Variants in ADAMTS4 observed in about 807,000 individuals in gnomAD.
The protein encoded by ADAMTS4 is ADAM metallopeptidase with thrombospondin type 1 motif 4, also known as A disintegrin and metalloproteinase with thrombospondin motifs 4.
A neutral mutation model predicts 66.7 loss-of-function variants in ADAMTS4; 38 were observed. The observed-to-expected ratio is 0.57, with a 90% CI of 0.44 to 0.75. The LOEUF (loss-of-function observed/expected upper bound fraction) is 0.75, where lower values mean the gene tolerates loss of function less well. Among genes scored for constraint, ADAMTS4 ranks in the 30% least tolerant of loss-of-function variants. The pLI is 0.00. For synonymous variants in ADAMTS4, 418 were observed against 461.5 expected (o/e 0.91, Z 1.21); for missense variants, 1,014 against 1,116.7 (o/e 0.91, Z 1.31).
intron 4 of ADAMTS4, among the ~76,000 whole-genome samples, chr1:161,195,022 A>G (rs1411191107): frequency 2.0e-5 from 3 of 151,958 alleles, no homozygotes; most frequent in Non-Finnish European, 4.4e-5. Context: ...ATCTGTATTT[A>G]AAACAAAACA....
In ADAMTS4 at chr1:161,191,265, A is replaced by G; in HGVS notation, c.2387T>C (p.Leu796Pro). ...LVAGNPQDTR[L>P]RYSFFVPRPT... Reference sequence around the variant, plus strand: ...CCGGGGCACGAAGAAGCTGTATCGGAGGCGTGTGTCCTGGGGGTTGCCAGC... The same window carrying G: ...CCGGGGCACGAAGAAGCTGTATCGGGGGCGTGTGTCCTGGGGGTTGCCAGC... The change falls in exon 9 of 9, where the codon CTC becomes CCC. Residue 796 changes from leucine to proline, a missense_variant. Leu to Pro is a moderately conservative substitution (Grantham distance 98, BLOSUM62 -3). Transcript: ENST00000367996. 1 of 1,613,838 alleles carries G rather than the reference A, an allele frequency of 6.2e-7. No homozygotes were observed. Among genetic ancestry groups the G allele is most frequent in the Non-Finnish European group, 8.5e-7 (1 of 1,180,000 alleles).
chr1:161,191,945 TC>T, intron 8 of ADAMTS4, 119 bp downstream of exon 8: 1 of 1,223,986 alleles, frequency 8.2e-7, no homozygotes. Context: ...AGCTGCCTAC[TC>T]GTCTATCTCC....
intron 4 of ADAMTS4, 104 bp downstream of exon 4, chr1:161,195,361 T>C: frequency 3.2e-6 from 4 of 1,242,588 alleles, no homozygotes; most frequent in Non-Finnish European, 4.4e-6. Flanking sequence ...GGAAGCACAC[T>C]TGGGGGAGGC....
chr1:161,198,380 C>A lies in ADAMTS4; in HGVS notation c.248G>T (p.Cys83Phe). Reference protein sequence around the residue: ...PGSGAPARLLCRLQAFGETLL... With the variant: ...PGSGAPARLLFRLQAFGETLL... Reference sequence around the variant, plus strand: ...CGTCTCCCCAAAGGCCTGCAAGCGGCACAACAGCCTGGCAGGGGCGCCCGA... The same window carrying A: ...CGTCTCCCCAAAGGCCTGCAAGCGGAACAACAGCCTGGCAGGGGCGCCCGA... The change falls in exon 1 of 9, where the codon TGC (cysteine) becomes TTC (phenylalanine). Residue 83 changes from cysteine (C) to phenylalanine (F), a missense_variant. Coordinates refer to ENST00000367996, the MANE Select transcript of ADAMTS4 (RefSeq NM_005099.6). The surrounding 1 kb of genome is among the most constrained non-coding windows in gnomAD (Gnocchi z 4.7). 6.2e-7 allele frequency: 1 copy of A among 1,612,516 alleles called. No homozygotes were observed. The highest frequency in any genetic ancestry group is 1.7e-4 in the Middle Eastern group (1 of 6,060).
Position 161,195,621 on chromosome 1 carries a change from T to C in ADAMTS4, c.1105A>G (p.Met369Val), listed in dbSNP as rs17855812. Reference protein sequence around the residue: ...AAHELGHVFNMLHDNSKPCIS... With the variant: ...AAHELGHVFNVLHDNSKPCIS... ...CATGGCTTGGAGTTGTCATGGAGCA[T>C]GTTGAAGACATGACCTGTGGGAGCA... Residue 369 changes from methionine (M) to valine (V), a missense_variant, in exon 4 of 9, where the codon ATG becomes GTG. By Grantham distance (21) the Met-to-Val change is conservative. Transcript: ENST00000367996. 3.1e-6 allele frequency: 5 copies of C among 1,612,646 alleles called. No individual in the cohort carries two copies. The East Asian group carries it at 6.7e-5, about 22-fold the overall frequency.
In ADAMTS4 at chr1:161,196,319, A is replaced by T; in HGVS notation, c.958-16T>A. The T allele has an allele frequency of 6.3e-7, 1 of 1,597,368 alleles. No homozygotes were observed. Among genetic ancestry groups the T allele is most frequent in the Non-Finnish European group, 8.5e-7 (1 of 1,171,714 alleles). On this transcript the variant is annotated splice_polypyrimidine_tract_variant and intron_variant, in intron 2 of 8. Transcript: ENST00000367996. Reference sequence around the variant, plus strand: ...CACACAGGTCCTGTGGAGAGGGATCATAGAAGGTGCATAGACAGCCAAGAC... The same window carrying T: ...CACACAGGTCCTGTGGAGAGGGATCTTAGAAGGTGCATAGACAGCCAAGAC...
chr1:161,195,880 C>T, intron 3 of ADAMTS4: 1 of 557,200 alleles, frequency 1.8e-6, no homozygotes, highest in Non-Finnish European at 3.1e-6. Flanking sequence ...GCCAACATTC[C>T]CAACTGTGAC....
In ADAMTS4 at chr1:161,198,403, C is replaced by T. The variant is rs576949190; in HGVS notation, c.225G>A (p.Ser75=). The T allele has an allele frequency of 4.7e-5, 75 of 1,607,406 alleles. 1 individual carries two copies. In the South Asian group the frequency reaches 5.0e-4, roughly 11 times the overall value. The change falls in exon 1 of 9, where the codon TCG becomes TCA. Residue 75 remains serine (S), a synonymous_variant. Coordinates refer to ENST00000367996, the MANE Select transcript of ADAMTS4 (RefSeq NM_005099.6). The surrounding 1 kb of genome is among the most constrained non-coding windows in gnomAD (Gnocchi z 4.7). ...GGCACAACAGCCTGGCAGGGGCGCCCGAGCCAGGCAGGACGCTGCCGTTGA... is the reference window on the plus strand; with the variant it reads ...GGCACAACAGCCTGGCAGGGGCGCCTGAGCCAGGCAGGACGCTGCCGTTGA... ...EKLNGSVLPG[S]GAPARLLCRL...
chr1:161,197,341 G>T (rs1664886645), intron 1 of ADAMTS4: 1 of 166,492 alleles, frequency 6.0e-6, no homozygotes, highest in African/African-American at 2.4e-5. Context: ...TGTGGAGGGA[G>T]CGTCTGGTCT....
Position 161,198,921 on chromosome 1 carries a change from C to A in ADAMTS4, c.-294G>T, listed in dbSNP as rs531435375. 1.1e-5 allele frequency: 4 copies of A among 368,220 alleles called. No homozygotes were observed. In the South Asian group the frequency reaches 2.4e-4, roughly 22 times the overall value. 22.8% of individuals were successfully genotyped at this position (368,220 alleles called of 1,614,324 possible). Reference sequence around the variant, plus strand: ...TCTGCAGCTTCTCTGGCCTCTCCCTCTGTAGGACTCTGTCTGGGCCGCTTC... The same window carrying A: ...TCTGCAGCTTCTCTGGCCTCTCCCTATGTAGGACTCTGTCTGGGCCGCTTC... On this transcript the variant is annotated 5_prime_UTR_variant, in exon 1 of 9. Coordinates refer to ENST00000367996, the MANE Select transcript of ADAMTS4 (RefSeq NM_005099.6). This position sits in a 1 kb window ranked among gnomAD's most constrained non-coding sequence, Gnocchi z 4.7.
rs551400555 is a variant in ADAMTS4 at position 161,195,825 on chromosome 1, C to T, written c.1091-190G>A. 15 of 605,956 alleles carry T rather than the reference C, an allele frequency of 2.5e-5. No homozygotes were observed. The East Asian group carries it at 4.6e-4, about 19-fold the overall frequency. The allele number at this position is 605,956 out of a possible 1,614,324, so 37.5% of individuals were successfully genotyped here. On this transcript the variant is annotated intron_variant, in intron 3 of 8. Coordinates refer to ENST00000367996, the MANE Select transcript of ADAMTS4 (RefSeq NM_005099.6). ...CCCGTCTCTTTCTCTGTCTCCTCTT[C>T]CCCAAAATATACTCAGGGTCCCTCC...
chr1:161,187,886 A>G lies in ADAMTS4; in HGVS notation c.*3252T>C, dbSNP rs1390464688. The G allele has an allele frequency of 6.7e-6, 1 of 149,270 alleles. No homozygotes were observed. The highest frequency in any genetic ancestry group is 3.2e-3 in the Middle Eastern group (1 of 314). 9.2% of individuals were successfully genotyped at this position (149,270 alleles called of 1,614,324 possible). On this transcript the variant is annotated 3_prime_UTR_variant, in exon 9 of 9. Coordinates refer to ENST00000367996, the MANE Select transcript of ADAMTS4 (RefSeq NM_005099.6). ...AAAACTCCAAATTCTTGCAGGGTCT[A>G]CCTACCACCCTTGCCCATCCCTGTT...
At position 161,196,294 on chromosome 1, in the gene ADAMTS4, C is replaced by T. The variant is rs1469077329; in HGVS notation, c.967G>A (p.Gly323Arg). 1.2e-6 allele frequency: 2 copies of T among 1,611,268 alleles called. No homozygotes were observed. The highest frequency in any genetic ancestry group is 1.7e-6 in the Non-Finnish European group (2 of 1,178,576). The part of the protein sequence containing the change: ...AILFTRQDLC[G>R]VSTCDTLGMA... The stretch of plus-strand genomic sequence containing the variant: ...CCCAGCGTGTCGCAAGTGGAGACTC[C>T]ACACAGGTCCTGTGGAGAGGGATCA... Residue 323 changes from glycine to arginine, a missense_variant, in exon 3 of 9, where the codon GGA becomes AGA. Gly to Arg is a moderately radical substitution (Grantham distance 125, BLOSUM62 -2). Transcript: ENST00000367996.
At position 161,191,374 on chromosome 1, in the gene ADAMTS4, G is replaced by A. The variant is rs182544563; in HGVS notation, c.2278C>T (p.Arg760Cys). ...DVVLPGAVSL[R>C]YSGATAASET... ...GAGGCTGCAGTGGCCCCGCTGTAGC[G>A]CAAGCTGACTGCCCCAGGCAGTACC... Residue 760 changes from arginine to cysteine, a missense_variant, in exon 9 of 9, where the codon CGC (arginine) becomes TGC (cysteine). By Grantham distance (180) the Arg-to-Cys change is radical. Transcript: ENST00000367996. The A allele has an allele frequency of 1.0e-4, 161 of 1,614,022 alleles. No homozygotes were observed. The East Asian group carries it at 1.3e-3, about 13-fold the overall frequency.
Position 161,196,174 on chromosome 1 carries a change from G to C in ADAMTS4, c.1087C>G (p.Leu363Val), listed in dbSNP as rs1259824876. The C allele has an allele frequency of 6.3e-7, 1 of 1,598,730 alleles. No individual in the cohort carries two copies. The highest frequency in any genetic ancestry group is 8.5e-7 in the Non-Finnish European group (1 of 1,172,884). ...TTCTCATCCACCCCTACTTTACCCA[G>C]TTCATGAGCAGCAGTGAAGGCTGAC... is the stretch of plus-strand genomic sequence containing the variant. ...LQSAFTAAHE[L>V]GHVFNMLHDN... Residue 363 changes from leucine to valine, a missense_variant, in exon 3 of 9, where the codon CTG becomes GTG. Physicochemically the swap from Leu to Val is conservative, Grantham distance 32. Transcript: ENST00000367996.
chr1:161,193,568 C>A lies in ADAMTS4; in HGVS notation c.1735+72G>T. The A allele has an allele frequency of 6.5e-7, 1 of 1,541,498 alleles. No individual in the cohort carries two copies. Among genetic ancestry groups the A allele is most frequent in the South Asian group, 1.2e-5 (1 of 80,774 alleles). On this transcript the variant is annotated intron_variant, in intron 6 of 8. Coordinates refer to ENST00000367996, the MANE Select transcript of ADAMTS4 (RefSeq NM_005099.6). This position sits in a 1 kb window ranked among gnomAD's most constrained non-coding sequence, Gnocchi z 4.4. ...GCAGGGGAATCAACACCCCCTTGGTCTTGCACTCAAGGGACAGTCCTTCCT... is the reference window on the plus strand; with the variant it reads ...GCAGGGGAATCAACACCCCCTTGGTATTGCACTCAAGGGACAGTCCTTCCT...
intron 3 of ADAMTS4, 158 bp downstream of exon 3, chr1:161,196,013 T>C: frequency 1.1e-6 from 1 of 884,094 alleles, no homozygotes; most frequent in East Asian, 2.8e-5. Context: ...TAGAAAAATG[T>C]AAATGTATGT....
intron 3 of ADAMTS4, 120 bp downstream of exon 3, chr1:161,196,051 G>T: frequency 8.0e-7 from 1 of 1,255,782 alleles, no homozygotes; most frequent in Non-Finnish European, 1.1e-6. Flanking sequence ...AGGAGTAATA[G>T]CCCTATACCT....
chr1:161,193,675 C>G lies in ADAMTS4; in HGVS notation c.1700G>C (p.Arg567Pro), dbSNP rs139714128. The G allele has an allele frequency of 6.2e-7, 1 of 1,613,342 alleles. No homozygotes were observed. ...TGGGCAGTCCTCAGTGTTGCAGGAG[C>G]GGAAGCGGGTACGGCGGCCCTCACA... ...KYCEGRRTRFRSCNTEDCPTG... is the reference protein window; with the variant it reads ...KYCEGRRTRFPSCNTEDCPTG... The change falls in exon 6 of 9, where the codon CGC becomes CCC. Residue 567 changes from arginine to proline, a missense_variant. By Grantham distance (103) the Arg-to-Pro change is moderately radical (BLOSUM62 -2). Transcript: ENST00000367996. This position sits in a 1 kb window ranked among gnomAD's most constrained non-coding sequence, Gnocchi z 4.4.
Sources: allele counts gnomAD v4.1 joint callset (sites outside exome capture counted in the v4.1 genomes callset), GRCh38; gene constraint gnomAD v4.1.1; non-coding constraint Gnocchi (gnomAD v3.1); transcripts MANE v1.5; gene names NCBI Gene and HGNC (gene_info 2026-07-23, HGNC 2026-07-21).